The following SLC35F1 variants were observed in gnomAD, a reference collection of about 807,000 sequenced individuals.
The protein encoded by SLC35F1 is solute carrier family 35 member F1.
Under a neutral mutation model 48.7 loss-of-function variants are expected in SLC35F1, and 14 were observed. That is an observed-to-expected ratio of 0.29 (90% CI 0.19 to 0.45). The LOEUF is 0.45. Ranked by LOEUF, SLC35F1 falls within the 20% of genes least tolerant of loss-of-function variation. The pLI is 1.00. For synonymous variants in SLC35F1, 190 were observed against 202.2 expected (o/e 0.94, Z 0.51); for missense variants, 404 against 500.0 (o/e 0.81, Z 1.83).
intron 2 of SLC35F1, among the ~76,000 whole-genome samples, chr6:118,221,050 T>C (rs1170728254): frequency 6.6e-6 from 1 of 152,166 alleles, no homozygotes; most frequent in Admixed American, 6.5e-5. Context: ...GCAGGAACCA[T>C]AATTCAAATT....
In SLC35F1 at chr6:118,303,106, G is replaced by A. The variant is rs564298006; in HGVS notation, c.1003-10922G>A. ...TTTTTGTCTTTCTTGCCACCACCAG[G>A]TACATGAAAGAGAAAGAAATATAGA... On this transcript the variant is annotated intron_variant, in intron 7 of 7. Coordinates refer to ENST00000360388, the MANE Select transcript of SLC35F1 (RefSeq NM_001029858.4). Among the ~76,000 whole-genome samples, 25 of 151,968 alleles carry A rather than the reference G, an allele frequency of 1.6e-4. No individual in the cohort carries two copies. The East Asian group carries it at 2.1e-3, about 13-fold the overall frequency.
chr6:118,163,184 G>A (rs904735092), intron 2 of SLC35F1, among the ~76,000 whole-genome samples: 1 of 151,852 alleles, frequency 6.6e-6, no homozygotes, highest in Non-Finnish European at 1.5e-5. Context: ...GGCTGGTTCT[G>A]AACTCCTGAC....
intron 1 of SLC35F1, among the ~76,000 whole-genome samples, chr6:118,102,177 T>C (rs1045362026): frequency 6.6e-6 from 1 of 152,042 alleles, no homozygotes; most frequent in East Asian, 1.9e-4. Flanking sequence ...AGGAAGGACT[T>C]TTTCCTTTTC....
intron 7 of SLC35F1, among the ~76,000 whole-genome samples, chr6:118,296,764 C>T (rs1362637222): frequency 6.6e-6 from 1 of 152,070 alleles, no homozygotes; most frequent in Non-Finnish European, 1.5e-5. Flanking sequence ...TGGGGCATAA[C>T]CAAGAAAAAA....
chr6:118,063,208 C>T (rs1289892283), intron 1 of SLC35F1, among the ~76,000 whole-genome samples: 1 of 152,094 alleles, frequency 6.6e-6, no homozygotes, highest in African/African-American at 2.4e-5. Flanking sequence ...CAGAAATATC[C>T]TAAATTTTTT....
chr6:118,284,983 T>G (rs1448882472), intron 6 of SLC35F1, among the ~76,000 whole-genome samples: 1 of 129,590 alleles, frequency 7.7e-6, no homozygotes, highest in Admixed American at 7.2e-5. Flanking sequence ...AGAAAGTTCA[T>G]TTTTCACACT....
chr6:118,096,196 C>T (rs1773174125), intron 1 of SLC35F1, among the ~76,000 whole-genome samples: 1 of 152,146 alleles, frequency 6.6e-6, no homozygotes, highest in African/African-American at 2.4e-5. Flanking sequence ...TTGCAGTTAG[C>T]TAATATTAAA....
At chr6:117,928,684 C>G (rs1448233286) in intron 1 of SLC35F1, among the ~76,000 whole-genome samples, 1 of 152,076 alleles carries the variant, frequency 6.6e-6, no homozygotes, top group Non-Finnish European at 1.5e-5. Flanking sequence ...CTGTGAGATT[C>G]CAGACGTAGG....
chr6:117,950,934 T>A (rs1269715752), intron 1 of SLC35F1, among the ~76,000 whole-genome samples: 3 of 152,212 alleles, frequency 2.0e-5, no homozygotes, highest in Non-Finnish European at 4.4e-5. Context: ...ATTTTTTTCA[T>A]ATTATTTAAC....
intron 1 of SLC35F1, among the ~76,000 whole-genome samples, chr6:118,086,103 A>T (rs1772986204): frequency 6.6e-6 from 1 of 152,148 alleles, no homozygotes; most frequent in South Asian, 2.1e-4. Context: ...ATTTTTTTTC[A>T]GGCACAAATG....
intron 1 of SLC35F1, among the ~76,000 whole-genome samples, chr6:117,934,469 A>T (rs1297587722): frequency 6.6e-6 from 1 of 152,198 alleles, no homozygotes. Flanking sequence ...ATAGTCGCAA[A>T]ATAGCCTCAA....
At chr6:118,185,946 T>C (rs1774650649) in intron 2 of SLC35F1, among the ~76,000 whole-genome samples, 1 of 152,180 alleles carries the variant, frequency 6.6e-6, no homozygotes, top group South Asian at 2.1e-4. Context: ...TAACATTTTG[T>C]TTTTATTCAA....
At chr6:118,258,190 A>G (rs1775669537) in intron 3 of SLC35F1, among the ~76,000 whole-genome samples, 1 of 152,106 alleles carries the variant, frequency 6.6e-6, no homozygotes, top group African/African-American at 2.4e-5. Context: ...ACTTTGGATT[A>G]TTTTATGGAA....
chr6:118,111,724 G>A (rs2114383748), intron 1 of SLC35F1, among the ~76,000 whole-genome samples: 1 of 152,246 alleles, frequency 6.6e-6, no homozygotes, highest in East Asian at 1.9e-4. Context: ...AGATAACAAT[G>A]TATTTAAAAG....
intron 2 of SLC35F1, among the ~76,000 whole-genome samples, chr6:118,175,361 T>C (rs1774472715): frequency 1.3e-5 from 2 of 152,054 alleles, no homozygotes; most frequent in Admixed American, 6.6e-5. Context: ...TTATGGAAAA[T>C]TCTCACTGGC....
intron 1 of SLC35F1, among the ~76,000 whole-genome samples, chr6:117,930,672 G>A (rs186762053): frequency 2.0e-5 from 3 of 152,168 alleles, no homozygotes; most frequent in Non-Finnish European, 2.9e-5. Context: ...AGACTGCCTC[G>A]AAATATGACT....
intron 1 of SLC35F1, among the ~76,000 whole-genome samples, chr6:118,002,574 C>T (rs1777117422): frequency 1.3e-5 from 2 of 151,596 alleles, no homozygotes; most frequent in South Asian, 2.1e-4. Context: ...ACATTGTGCA[C>T]ATGTACCCTA....
At chr6:118,080,793 T>C (rs1161545631) in intron 1 of SLC35F1, among the ~76,000 whole-genome samples, 1 of 152,154 alleles carries the variant, frequency 6.6e-6, no homozygotes, top group Non-Finnish European at 1.5e-5. Flanking sequence ...AACAAGGAGT[T>C]ATCCTGTGCA....
At chr6:118,196,419 G>A (rs1157315869) in intron 2 of SLC35F1, among the ~76,000 whole-genome samples, 6 of 152,104 alleles carry the variant, frequency 3.9e-5, no homozygotes, top group African/African-American at 1.4e-4. Context: ...TTTTGGGTGT[G>A]ATATTCAAAA....
Sources: allele counts gnomAD v4.1 joint callset (sites outside exome capture counted in the v4.1 genomes callset), GRCh38; gene constraint gnomAD v4.1.1; transcripts MANE v1.5; gene names NCBI Gene and HGNC (gene_info 2026-07-23, HGNC 2026-07-21).